PCDH11X: variants seen among roughly 807,000 people sequenced by gnomAD.
The protein encoded by PCDH11X is protocadherin 11 X-linked, also known as protocadherin-11 X-linked.
PCDH11X carries 18 observed loss-of-function variants against 53.3 expected under a neutral mutation model. The observed-to-expected ratio is 0.34, with a 90% CI of 0.23 to 0.50. PCDH11X has a LOEUF of 0.50. Among genes scored for constraint, PCDH11X ranks in the 20% least tolerant of loss-of-function variants. PCDH11X has a pLI of 0.98. For synonymous variants in PCDH11X, 279 were observed against 393.3 expected (o/e 0.71, Z 3.44); for missense variants, 570 against 1,032.4 (o/e 0.55, Z 6.14).
intron 7 of PCDH11X, among the ~76,000 whole-genome samples, chrX:92,232,870 C>A (rs976217903): frequency 9.0e-6 from 1 of 111,402 alleles, no homozygotes; most frequent in South Asian, 3.8e-4. Flanking sequence ...CGCCCGCCAC[C>A]ACGCCCGGCT....
Position 92,094,802 on chromosome X carries a change from C to G in PCDH11X, c.3034-106573C>G, listed in dbSNP as rs186831525. 3.6e-3 allele frequency among the ~76,000 whole-genome samples: 405 copies of G among 111,603 alleles called. 1 individual carries two copies. The highest frequency in any genetic ancestry group is 5.5e-3 in the Non-Finnish European group (292 of 53,019). On this transcript the variant is annotated intron_variant, in intron 6 of 10. Transcript: ENST00000682573. ...GGGAAAAACAACAACAACTGTAGTG[C>G]TTTTTATGTACTTGGAGAATATTTT...
intron 6 of PCDH11X, among the ~76,000 whole-genome samples, chrX:92,192,866 G>C (rs775719560): frequency 8.4e-4 from 93 of 111,065 alleles, no homozygotes; most frequent in Non-Finnish European, 1.5e-3. Flanking sequence ...AGCCTCCCGA[G>C]TAACTGGGAT....
chrX:92,599,899 A>G (rs966457291), intron 10 of PCDH11X, among the ~76,000 whole-genome samples: 1 of 111,104 alleles, frequency 9.0e-6, no homozygotes, highest in African/African-American at 3.3e-5. Flanking sequence ...AAAGGTGATT[A>G]TTGCTATGCT....
At chrX:92,579,229 T>G (rs1268446556) in intron 10 of PCDH11X, among the ~76,000 whole-genome samples, 10 of 108,104 alleles carry the variant, frequency 9.3e-5, no homozygotes, top group Non-Finnish European at 1.5e-4. Context: ...TGTCTTGGGT[T>G]TGATCTTCTC....
intron 6 of PCDH11X, among the ~76,000 whole-genome samples, chrX:92,185,657 A>G (rs1327301362): frequency 9.0e-6 from 1 of 111,665 alleles, no homozygotes. Flanking sequence ...CAAACAACTC[A>G]ATAGCAGAAA....
intron 5 of PCDH11X, among the ~76,000 whole-genome samples, chrX:91,847,145 T>TTGTGTGTGTG (rs754247208): frequency 1.9e-5 from 2 of 106,905 alleles, no homozygotes; most frequent in South Asian, 8.2e-4. Context: ...TTTGTGTCCT[T>TTGTGTGTGTG]TGTGTGTGTG....
At chrX:91,789,098 A>G (rs1180639309) in intron 1 of PCDH11X, among the ~76,000 whole-genome samples, 1 of 102,297 alleles carries the variant, frequency 9.8e-6, no homozygotes, top group African/African-American at 3.6e-5. Flanking sequence ...GCTACTCGGG[A>G]GGCTGAGGCA....
At chrX:92,212,395 G>T (rs1397286373) in intron 7 of PCDH11X, among the ~76,000 whole-genome samples, 2 of 110,931 alleles carry the variant, frequency 1.8e-5, no homozygotes, top group African/African-American at 6.6e-5. Context: ...TTGGTGCGCA[G>T]GCTGGAGTGC....
At position 92,362,998 on chromosome X, in the gene PCDH11X, T is replaced by A. The variant is rs1327840119; in HGVS notation, c.3145-24737T>A. 5.4e-5 allele frequency among the ~76,000 whole-genome samples: 6 copies of A among 110,448 alleles called. No individual in the cohort carries two copies. In the Admixed American group the frequency reaches 5.8e-4, roughly 11 times the overall value. On this transcript the variant is annotated intron_variant, in intron 8 of 10. Coordinates refer to ENST00000682573, the MANE Select transcript of PCDH11X (RefSeq NM_032968.5). ...TTAATTTTAGGTTCTCTAATCTATT[T>A]TTTTTGGTCTATTTATCTGTCTTTA...
intron 7 of PCDH11X, among the ~76,000 whole-genome samples, chrX:92,217,177 A>C (rs1464962250): frequency 8.1e-5 from 9 of 110,878 alleles, no homozygotes; most frequent in African/African-American, 2.9e-4. Context: ...ACATCAAAAT[A>C]ACAGGATCAA....
At chrX:92,079,811 T>A (rs397819595) in intron 6 of PCDH11X, among the ~76,000 whole-genome samples, 2 of 111,504 alleles carry the variant, frequency 1.8e-5, no homozygotes, top group South Asian at 7.5e-4. Flanking sequence ...TATTATTTAT[T>A]GTATGACCTT....
At chrX:92,148,001 CTTT>C (rs2065326257) in intron 6 of PCDH11X, among the ~76,000 whole-genome samples, 1 of 70,329 alleles carries the variant, frequency 1.4e-5, no homozygotes, top group African/African-American at 8.4e-5. Flanking sequence ...TTCTTTCTTT[CTTT>C]CTTTTTCTTT....
At chrX:92,391,606 G>T (rs1256685357) in intron 9 of PCDH11X, among the ~76,000 whole-genome samples, 3 of 111,048 alleles carry the variant, frequency 2.7e-5, no homozygotes, top group African/African-American at 9.8e-5. Flanking sequence ...TTATGATTCA[G>T]ACTGAGTTCT....
intron 1 of PCDH11X, among the ~76,000 whole-genome samples, chrX:91,782,227 C>A (rs1484484684): frequency 4.6e-5 from 5 of 109,193 alleles, no homozygotes; most frequent in African/African-American, 1.7e-4. Flanking sequence ...GCGCCAGAGG[C>A]GGGGGTGGCC....
At chrX:91,961,468 G>A in intron 6 of PCDH11X, among the ~76,000 whole-genome samples, 1 of 111,185 alleles carries the variant, frequency 9.0e-6, no homozygotes, top group Non-Finnish European at 1.9e-5. Context: ...TGAGGCAAGA[G>A]AAAGAAATAA....
At chrX:92,004,359 C>T (rs2062560764) in intron 6 of PCDH11X, among the ~76,000 whole-genome samples, 1 of 110,665 alleles carries the variant, frequency 9.0e-6, no homozygotes, top group Admixed American at 9.7e-5. Flanking sequence ...ATTATATAGT[C>T]GTTAGATGAA....
chrX:92,192,607 A>C (rs1214975678), intron 6 of PCDH11X, among the ~76,000 whole-genome samples: 1 of 111,215 alleles, frequency 9.0e-6, no homozygotes. Flanking sequence ...TCGGCCTCCT[A>C]AAGTGCTGGG....
At chrX:92,551,988 G>T (rs56174226) in intron 10 of PCDH11X, among the ~76,000 whole-genome samples, 2 of 70,712 alleles carry the variant, frequency 2.8e-5, no homozygotes, top group Admixed American at 1.7e-4. Context: ...TGATTCCTCT[G>T]GTTTTTTTTT....
chrX:91,865,781 C>T (rs1441584859), intron 5 of PCDH11X, among the ~76,000 whole-genome samples: 1 of 111,969 alleles, frequency 8.9e-6, no homozygotes, highest in Non-Finnish European at 1.9e-5. Context: ...TAGCCACTGC[C>T]ACCCCAGGCC....
Sources: allele counts gnomAD v4.1 joint callset (sites outside exome capture counted in the v4.1 genomes callset), GRCh38; gene constraint gnomAD v4.1.1; transcripts MANE v1.5; gene names NCBI Gene and HGNC (gene_info 2026-07-23, HGNC 2026-07-21).